The following FOSL2 variants were observed in gnomAD, a reference collection of about 807,000 sequenced individuals.
FOSL2 encodes the protein FOS like 2, AP-1 transcription factor subunit, also known as fos-related antigen 2.
A neutral mutation model predicts 27.7 loss-of-function variants in FOSL2; 3 were observed. The observed-to-expected ratio is 0.11, with a 90% CI of 0.05 to 0.28. The LOEUF is 0.28. Ranked by LOEUF, FOSL2 falls within the 10% of genes least tolerant of loss-of-function variation. The probability of loss-of-function intolerance (pLI) is 1.00; values close to 1 mark genes in which losing one functional copy is unlikely to be tolerated. For synonymous variants in FOSL2, 179 were observed against 190.1 expected, an observed-to-expected ratio of 0.94 and a Z score of 0.48; for missense variants, 333 against 445.1, an observed-to-expected ratio of 0.75 and a Z score of 2.27.
At chr2:28,410,877 C>T (rs1003011325) in intron 3 of FOSL2, among the ~76,000 whole-genome samples, 5 of 152,110 alleles carry the variant, frequency 3.3e-5, no homozygotes, top group East Asian at 1.9e-4. Flanking sequence ...GGCCAGGCGC[C>T]GTGGCTCATG....
chr2:28,403,153 C>T (rs1311144048), intron 1 of FOSL2, among the ~76,000 whole-genome samples: 2 of 152,202 alleles, frequency 1.3e-5, no homozygotes, highest in African/African-American at 4.8e-5. Context: ...TTCTCTCCTT[C>T]CCGCTTCTTG....
Position 28,398,020 on chromosome 2 carries a change from G to A in FOSL2, c.102+4198G>A, listed in dbSNP as rs150637919. 2.2e-3 allele frequency among the ~76,000 whole-genome samples: 332 copies of A among 152,300 alleles called. 1 individual carries two copies. In the East Asian group the frequency reaches 0.029, roughly 13 times the overall value. ...AGTCTACCTGGGAGAGCATGCCCAC[G>A]ACAAAGGACACCAAAGCAGGCACCT... On this transcript the variant is annotated intron_variant, in intron 1 of 3. Coordinates refer to ENST00000264716, the MANE Select transcript of FOSL2 (RefSeq NM_005253.4).
rs1416602936 is a variant in FOSL2 at position 28,410,473 on chromosome 2, G to A, written c.463-1457G>A. ...GGCCCCTGAGCCACATCCTCCACAG[G>A]AAGCCTCTCAGAAGCTCATGACGTT... is the stretch of plus-strand genomic sequence containing the variant. On this transcript the variant is annotated intron_variant, in intron 3 of 3. Transcript: ENST00000264716. 3.1e-6 allele frequency: 3 copies of A among 980,688 alleles called. No individual in the cohort carries two copies. The African/African-American group carries it at 5.3e-5, about 17-fold the overall frequency. 60.7% of individuals were successfully genotyped at this position (980,688 alleles called of 1,614,324 possible).
intron 3 of FOSL2, among the ~76,000 whole-genome samples, chr2:28,411,169 A>G (rs1396044523): frequency 6.6e-6 from 1 of 151,672 alleles, no homozygotes; most frequent in Non-Finnish European, 1.5e-5. Flanking sequence ...AAAAAGAAAG[A>G]AATTGGAGTG....
rs141422626 is a variant in FOSL2 at position 28,403,949 on chromosome 2, A to G, written c.103-158A>G. On this transcript the variant is annotated intron_variant, in intron 1 of 3. Coordinates refer to ENST00000264716, the MANE Select transcript of FOSL2 (RefSeq NM_005253.4). Reference sequence around the variant, plus strand: ...GATTCCCCCCTTGATTCTTGGATGCACAGGACTTGTCCAGGCCCACCTGGG... The same window carrying G: ...GATTCCCCCCTTGATTCTTGGATGCGCAGGACTTGTCCAGGCCCACCTGGG... Among the ~76,000 whole-genome samples the G allele has an allele frequency of 1.2e-3, 186 of 152,354 alleles. 1 individual carries two copies. The highest frequency in any genetic ancestry group is 4.3e-3 in the African/African-American group (180 of 41,586).
At position 28,393,008 on chromosome 2, in the gene FOSL2, G is replaced by C. The variant is rs1307210585; in HGVS notation, c.-713G>C. 1.6e-6 allele frequency: 1 copy of C among 627,172 alleles called. No individual in the cohort carries two copies. Among genetic ancestry groups the C allele is most frequent in the Non-Finnish European group, 2.9e-6 (1 of 339,650 alleles). The allele number at this position is 627,172 out of a possible 1,614,324, so 38.9% of individuals were successfully genotyped here. ...GCGAGGCGGGCCCGTCCGGGAGCGG[G>C]CTCCGGGGAAGGGGTGCGGGTCTGG... On this transcript the variant is annotated 5_prime_UTR_variant, in exon 1 of 4. Transcript: ENST00000264716. This position sits in a 1 kb window ranked among gnomAD's most constrained non-coding sequence, Gnocchi z 4.6.
Position 28,413,748 on chromosome 2 carries a change from C to T in FOSL2, c.*1300C>T, listed in dbSNP as rs1389591548. ...CTTTCTCTTTTACACTCCCCTGTCC[C>T]CACCCCAGTGCACTCTTCTGGCCCA... On this transcript the variant is annotated 3_prime_UTR_variant, in exon 4 of 4. Transcript: ENST00000264716. 2 of 398,960 alleles carry T rather than the reference C, an allele frequency of 5.0e-6. No homozygotes were observed. The allele number at this position is 398,960 out of a possible 1,614,324, so 24.7% of individuals were successfully genotyped here.
In FOSL2 at chr2:28,414,358, A is replaced by G. The variant is rs1419363495; in HGVS notation, c.*1910A>G. The G allele has an allele frequency of 3.3e-5, 5 of 152,526 alleles. No homozygotes were observed. Among genetic ancestry groups the G allele is most frequent in the Admixed American group, 3.3e-4 (5 of 15,294 alleles). The allele number at this position is 152,526 out of a possible 1,614,324, so 9.4% of individuals were successfully genotyped here. On this transcript the variant is annotated 3_prime_UTR_variant, in exon 4 of 4. Transcript: ENST00000264716. Reference sequence around the variant, plus strand: ...TGATGCAGAAAGGAGGGTTTCAAAGAAAAAGGATTTTGTTTAAAATACTTT... The same window carrying G: ...TGATGCAGAAAGGAGGGTTTCAAAGGAAAAGGATTTTGTTTAAAATACTTT...
intron 1 of FOSL2, among the ~76,000 whole-genome samples, chr2:28,399,800 T>G (rs1031562833): frequency 2.0e-5 from 3 of 152,206 alleles, no homozygotes; most frequent in Non-Finnish European, 4.4e-5. Context: ...AACTATGTCC[T>G]GAGTATTTTT....
chr2:28,415,868 G>A lies in FOSL2; in HGVS notation c.*3420G>A, dbSNP rs574042867. 6.6e-6 allele frequency: 1 copy of A among 152,280 alleles called. No homozygotes were observed. The highest frequency in any genetic ancestry group is 1.9e-4 in the East Asian group (1 of 5,162). The allele number at this position is 152,280 out of a possible 1,614,324, so 9.4% of individuals were successfully genotyped here. ...AAGGTAAGATTGCCTTCAGTCTGATGTTTGTTCTCAAGGACTTATCCCCTA... is the reference window on the plus strand; with the variant it reads ...AAGGTAAGATTGCCTTCAGTCTGATATTTGTTCTCAAGGACTTATCCCCTA... On this transcript the variant is annotated 3_prime_UTR_variant, in exon 4 of 4. Coordinates refer to ENST00000264716, the MANE Select transcript of FOSL2 (RefSeq NM_005253.4).
chr2:28,401,313 A>G (rs1394227375), intron 1 of FOSL2, among the ~76,000 whole-genome samples: 2 of 151,790 alleles, frequency 1.3e-5, no homozygotes, highest in African/African-American at 4.8e-5. Flanking sequence ...AGGCTCTGAC[A>G]TTAGTGTGTT....
chr2:28,396,459 T>C (rs1663837319), intron 1 of FOSL2, among the ~76,000 whole-genome samples: 1 of 134,442 alleles, frequency 7.4e-6, no homozygotes, highest in Non-Finnish European at 1.7e-5. Flanking sequence ...TCTTGGATTT[T>C]TCTTTTTGCT....
At chr2:28,403,959 TCCAGGCCCACCTGGGGTCCTGACCTTGC>T in intron 1 of FOSL2, 120 bp from the exon 2 acceptor site, 1 of 817,920 alleles carries the variant, frequency 1.2e-6, no homozygotes. Flanking sequence ...ACAGGACTTG[TCCAGGCCCACCTGGGGTCCTGACCTTGC>T]CCTTCGAACA....
chr2:28,394,140 C>T (rs1283964608), intron 1 of FOSL2, among the ~76,000 whole-genome samples: 1 of 60,824 alleles, frequency 1.6e-5, no homozygotes, highest in African/African-American at 4.4e-5. Flanking sequence ...AGTGTCTGCC[C>T]CCCCCCCCCC....
intron 1 of FOSL2, among the ~76,000 whole-genome samples, chr2:28,400,195 C>T (rs1444921420): frequency 6.6e-6 from 1 of 152,170 alleles, no homozygotes; most frequent in Non-Finnish European, 1.5e-5. Context: ...CCATCACTCC[C>T]AGCACACTCC....
chr2:28,394,896 G>A (rs1325483696), intron 1 of FOSL2, among the ~76,000 whole-genome samples: 1 of 152,212 alleles, frequency 6.6e-6, no homozygotes, highest in East Asian at 1.9e-4. Flanking sequence ...TGCTCCATAA[G>A]GCGGTGGCCT....
intron 2 of FOSL2, among the ~76,000 whole-genome samples, chr2:28,405,127 G>A (rs1184668662): frequency 1.3e-5 from 2 of 152,230 alleles, no homozygotes; most frequent in Non-Finnish European, 2.9e-5. Flanking sequence ...TCATTGCCTG[G>A]ATCAGCAGTA....
At chr2:28,411,588 T>A (rs1664199534) in intron 3 of FOSL2, among the ~76,000 whole-genome samples, 1 of 152,192 alleles carries the variant, frequency 6.6e-6, no homozygotes, top group Non-Finnish European at 1.5e-5. Context: ...TTTCCTCATC[T>A]GCAAAATGGG....
intron 1 of FOSL2, among the ~76,000 whole-genome samples, chr2:28,403,277 A>C (rs1316788506): frequency 1.3e-5 from 2 of 152,214 alleles, no homozygotes; most frequent in Admixed American, 6.5e-5. Flanking sequence ...TGCTTCCTGC[A>C]GCATGTTCCA....
Sources: gnomAD v4.1 joint callset for allele counts (sites outside exome capture counted in the v4.1 genomes callset) on GRCh38, gnomAD v4.1.1 for gene constraint, Gnocchi (gnomAD v3.1) non-coding constraint, MANE v1.5 for transcripts, NCBI Gene and HGNC (gene_info 2026-07-23, HGNC 2026-07-21) for gene names.